The following MCU variants were observed in gnomAD, a reference collection of about 807,000 sequenced individuals.
MCU encodes the protein calcium uniporter protein, mitochondrial.
In MCU, 12 loss-of-function variants were observed where a neutral mutation model predicts 45.2. That is an observed-to-expected ratio of 0.27 (90% CI 0.17 to 0.43). The LOEUF is 0.43. Ranked by LOEUF, MCU falls within the 20% of genes least tolerant of loss-of-function variation. The pLI, the probability that MCU is intolerant of heterozygous loss-of-function variation, is 1.00. For synonymous variants in MCU, 160 were observed against 165.1 expected, an observed-to-expected ratio of 0.97 and a Z score of 0.24; for missense variants, 324 against 436.7, an observed-to-expected ratio of 0.74 and a Z score of 2.30.
At chr10:72,740,725 T>C (rs1028210383) in intron 1 of MCU, among the ~76,000 whole-genome samples, 1 of 152,278 alleles carries the variant, frequency 6.6e-6, no homozygotes, top group East Asian at 1.9e-4. Flanking sequence ...CAGCAGGTGC[T>C]ATGAGTCATT....
rs528161819 is a variant in MCU, at chr10:72,881,870, G to A, written c.862-2396G>A. Among the ~76,000 whole-genome samples the A allele has an allele frequency of 5.9e-5, 9 of 152,170 alleles. 1 individual carries two copies. Among genetic ancestry groups the A allele is most frequent in the Admixed American group, 3.9e-4 (6 of 15,274 alleles). On this transcript the variant is annotated intron_variant, in intron 6 of 7. Transcript: ENST00000373053. Reference sequence around the variant, plus strand: ...GTACACAAGTGTTCACAGCAGGATTGTACATAATAGCCCCAACGTGGAAAC... The same window carrying A: ...GTACACAAGTGTTCACAGCAGGATTATACATAATAGCCCCAACGTGGAAAC...
intron 1 of MCU, among the ~76,000 whole-genome samples, chr10:72,791,152 C>T (rs1297596550): frequency 6.6e-6 from 1 of 152,048 alleles, no homozygotes; most frequent in African/African-American, 2.4e-5. Flanking sequence ...GCACATTTTA[C>T]CTTTGTTGCC....
At chr10:72,864,662 G>C (rs1385690467) in intron 4 of MCU, among the ~76,000 whole-genome samples, 3 of 152,130 alleles carry the variant, frequency 2.0e-5, no homozygotes, top group Non-Finnish European at 4.4e-5. Context: ...TAGTAGTTAA[G>C]TTTTTGAGGT....
chr10:72,747,673 A>T (rs1843434162), intron 1 of MCU, among the ~76,000 whole-genome samples: 2 of 152,102 alleles, frequency 1.3e-5, no homozygotes, highest in South Asian at 4.1e-4. Context: ...CAAAAAAAGA[A>T]AGGAAAAAAA....
In MCU at chr10:72,847,120, C is replaced by T. The variant is rs564366698; in HGVS notation, c.221-12057C>T. On this transcript the variant is annotated intron_variant, in intron 2 of 7. Transcript: ENST00000373053. The stretch of plus-strand genomic sequence containing the variant: ...CCAAGTAACAGGGACTACAGGCACA[C>T]GCCACCATGCCCAGCTAATTTTTTG... Among the ~76,000 whole-genome samples the T allele has an allele frequency of 1.6e-4, 24 of 152,284 alleles. 1 individual carries two copies. The South Asian group carries it at 2.3e-3, about 14-fold the overall frequency.
At chr10:72,692,910 C>G in intron 1 of MCU, 2 of 1,495,914 alleles carry the variant, frequency 1.3e-6, no homozygotes, top group Non-Finnish European at 1.8e-6. Flanking sequence ...GAACCGGCTC[C>G]CTCGAGATGG....
intron 1 of MCU, among the ~76,000 whole-genome samples, chr10:72,726,734 T>C (rs1301667289): frequency 6.6e-6 from 1 of 152,192 alleles, no homozygotes; most frequent in East Asian, 1.9e-4. Flanking sequence ...ACTCAACCCA[T>C]ATTTAATAAT....
chr10:72,814,065 C>T (rs1844588605), intron 1 of MCU, among the ~76,000 whole-genome samples: 1 of 152,084 alleles, frequency 6.6e-6, no homozygotes, highest in Non-Finnish European at 1.5e-5. Flanking sequence ...TACTTGAATC[C>T]AAGTGGCAGG....
At chr10:72,742,413 A>T in intron 1 of MCU, among the ~76,000 whole-genome samples, 1 of 152,150 alleles carries the variant, frequency 6.6e-6, no homozygotes, top group East Asian at 1.9e-4. Context: ...TTGCAATTCT[A>T]TTTTATTAAT....
intron 1 of MCU, among the ~76,000 whole-genome samples, chr10:72,728,362 G>T (rs915316273): frequency 3.9e-5 from 6 of 152,166 alleles, no homozygotes; most frequent in Admixed American, 3.9e-4. Context: ...CTGTTTAAAG[G>T]TACTGAATAG....
intron 1 of MCU, among the ~76,000 whole-genome samples, chr10:72,697,399 G>C (rs557695420): frequency 6.8e-6 from 1 of 146,838 alleles, no homozygotes; most frequent in East Asian, 2.0e-4. Context: ...TTACAGGCAT[G>C]AGCCACTGCA....
chr10:72,772,430 C>G (rs1305326258), intron 1 of MCU, among the ~76,000 whole-genome samples: 2 of 152,354 alleles, frequency 1.3e-5, no homozygotes, highest in East Asian at 3.9e-4. Flanking sequence ...GGTGCAGTGG[C>G]TCACGCCTGC....
chr10:72,732,473 G>C (rs1843189453), intron 1 of MCU, among the ~76,000 whole-genome samples: 2 of 152,278 alleles, frequency 1.3e-5, no homozygotes, highest in Admixed American at 1.3e-4. Context: ...AAATGAGATA[G>C]AGACTGTTGA....
At chr10:72,794,850 A>G (rs1036218366) in intron 1 of MCU, among the ~76,000 whole-genome samples, 3 of 152,172 alleles carry the variant, frequency 2.0e-5, no homozygotes, top group Admixed American at 6.5e-5. Flanking sequence ...GATAGGGTCT[A>G]TAGAGTACCT....
At chr10:72,722,746 G>T (rs1326496273) in intron 1 of MCU, among the ~76,000 whole-genome samples, 2 of 152,050 alleles carry the variant, frequency 1.3e-5, no homozygotes, top group African/African-American at 4.8e-5. Context: ...GACAAAATCT[G>T]TTTCTTTTTT....
At chr10:72,835,477 A>G (rs1844943270) in intron 2 of MCU, among the ~76,000 whole-genome samples, 1 of 152,224 alleles carries the variant, frequency 6.6e-6, no homozygotes, top group Non-Finnish European at 1.5e-5. Flanking sequence ...GCATCCTGCA[A>G]ATTTACAAGG....
intron 1 of MCU, among the ~76,000 whole-genome samples, chr10:72,725,316 C>G (rs963997165): frequency 6.6e-6 from 1 of 151,898 alleles, no homozygotes; most frequent in Non-Finnish European, 1.5e-5. Context: ...TTAGTAGAGA[C>G]GGGGTTTCAC....
intron 1 of MCU, among the ~76,000 whole-genome samples, chr10:72,819,879 T>C (rs1313675704): frequency 6.6e-6 from 1 of 152,144 alleles, no homozygotes; most frequent in Non-Finnish European, 1.5e-5. Context: ...TAGTAGTATA[T>C]AGTTAAATTA....
intron 6 of MCU, among the ~76,000 whole-genome samples, chr10:72,878,031 C>T (rs1043107976): frequency 1.3e-5 from 2 of 150,226 alleles, no homozygotes; most frequent in Non-Finnish European, 3.0e-5. Context: ...TCACAGGTTT[C>T]ATGCAGAAGC....
Sources: allele counts gnomAD v4.1 joint callset (sites outside exome capture counted in the v4.1 genomes callset), GRCh38; gene constraint gnomAD v4.1.1; transcripts MANE v1.5; gene names NCBI Gene and HGNC (gene_info 2026-07-23, HGNC 2026-07-21).